The following FEM1B variants were observed in gnomAD, a reference collection of about 807,000 sequenced individuals.
FEM1B encodes the protein fem-1 homolog B, also known as protein fem-1 homolog B.
FEM1B carries 10 observed loss-of-function variants against 38.6 expected under a neutral mutation model. The ratio of observed to expected loss-of-function variants is 0.26; its 90% CI spans 0.16 to 0.44. FEM1B has a LOEUF of 0.44. FEM1B is among the 20% of genes least tolerant of loss of function. FEM1B has a pLI of 1.00. For synonymous variants in FEM1B, 288 were observed against 288.0 expected (o/e 1.00, Z 0.00); for missense variants, 471 against 786.7 (o/e 0.60, Z 4.80).
Position 68,278,370 on chromosome 15 carries a change from G to T in FEM1B, c.-48G>T, listed in dbSNP as rs1448301558. The T allele has an allele frequency of 6.3e-7, 1 of 1,577,722 alleles. No individual in the cohort carries two copies. Among genetic ancestry groups the T allele is most frequent in the Non-Finnish European group, 8.6e-7 (1 of 1,161,228 alleles). On this transcript the variant is annotated 5_prime_UTR_variant, in exon 1 of 2. Transcript: ENST00000306917. The surrounding 1 kb of genome is among the most constrained non-coding windows in gnomAD (Gnocchi z 5.7). ...CGAACGCGGCCTCCGGGGGCGCACG[G>T]CAGCTGCAGCGGTGGCGACCAAACG...
rs117810047 is a variant in FEM1B, at chr15:68,282,661, C to G, written c.248+3996C>G. ...AGATGAATACATAATAGAGAACTTG[C>G]ATTGTAATTTTGGACTGGGCCTAGA... On this transcript the variant is annotated intron_variant, in intron 1 of 1. Coordinates refer to ENST00000306917, the MANE Select transcript of FEM1B (RefSeq NM_015322.5). 5.8e-4 allele frequency among the ~76,000 whole-genome samples: 88 copies of G among 152,272 alleles called. No individual in the cohort carries two copies. The East Asian group carries it at 0.017, about 29-fold the overall frequency.
At position 68,291,508 on chromosome 15, in the gene FEM1B, G is replaced by T. The variant is rs1035566521; in HGVS notation, c.*266G>T. On this transcript the variant is annotated 3_prime_UTR_variant, in exon 2 of 2. Transcript: ENST00000306917. The surrounding 1 kb of genome is among the most constrained non-coding windows in gnomAD (Gnocchi z 6.9). ...TGTCTTTCTTTTTTTTAAAGGAACA[G>T]ATATAAAATGTTTTGTTTATGTAAC... 2.6e-6 allele frequency: 1 copy of T among 388,260 alleles called. No homozygotes were observed. The highest frequency in any genetic ancestry group is 4.6e-6 in the Non-Finnish European group (1 of 218,758). 24.1% of individuals were successfully genotyped at this position (388,260 alleles called of 1,614,324 possible).
rs992100173 is a variant in FEM1B, at chr15:68,295,219, G to A, written c.*3977G>A. On this transcript the variant is annotated 3_prime_UTR_variant, in exon 2 of 2. Coordinates refer to ENST00000306917, the MANE Select transcript of FEM1B (RefSeq NM_015322.5). The stretch of plus-strand genomic sequence containing the variant: ...TTATGGGGAGTGTATCTTGATGTGT[G>A]TATAGGGGTAAGTATTGCTAAATTA... The A allele has an allele frequency of 6.6e-6, 1 of 152,170 alleles. No individual in the cohort carries two copies. Among genetic ancestry groups the A allele is most frequent in the Non-Finnish European group, 1.5e-5 (1 of 68,022 alleles). 9.4% of individuals were successfully genotyped at this position (152,170 alleles called of 1,614,324 possible).
chr15:68,279,565 C>CA (rs1892704620), intron 1 of FEM1B, among the ~76,000 whole-genome samples: 1 of 152,064 alleles, frequency 6.6e-6, no homozygotes, highest in South Asian at 2.1e-4. Context: ...TGTGGTAGTA[C>CA]ATAAGCTATT....
At chr15:68,286,489 C>G (rs1892789148) in intron 1 of FEM1B, among the ~76,000 whole-genome samples, 1 of 152,062 alleles carries the variant, frequency 6.6e-6, no homozygotes, top group Admixed American at 6.5e-5. Flanking sequence ...CACACACACA[C>G]ACACACACAT....
At position 68,278,271 on chromosome 15, in the gene FEM1B, A is replaced by T; in HGVS notation, c.-147A>T. On this transcript the variant is annotated 5_prime_UTR_variant, in exon 1 of 2. Coordinates refer to ENST00000306917, the MANE Select transcript of FEM1B (RefSeq NM_015322.5). This position sits in a 1 kb window ranked among gnomAD's most constrained non-coding sequence, Gnocchi z 5.7. ...TGCGTCTCCGCCTTCCCTGGGCCGCACTGCTGCCTGGGCGCGGCGGCGGCG... is the reference window on the plus strand; with the variant it reads ...TGCGTCTCCGCCTTCCCTGGGCCGCTCTGCTGCCTGGGCGCGGCGGCGGCG... 9.3e-7 allele frequency: 1 copy of T among 1,080,748 alleles called. No homozygotes were observed. The highest frequency in any genetic ancestry group is 1.6e-5 in the African/African-American group (1 of 62,866). 66.9% of individuals were successfully genotyped at this position (1,080,748 alleles called of 1,614,324 possible). A position where few individuals can be genotyped will look rare whatever the true frequency, so the allele number is the denominator to read the frequency against.
chr15:68,280,499 G>A lies in FEM1B; in HGVS notation c.248+1834G>A, dbSNP rs1892714005. 6.6e-6 allele frequency among the ~76,000 whole-genome samples: 1 copy of A among 152,164 alleles called. No homozygotes were observed. The highest frequency in any genetic ancestry group is 2.1e-4 in the South Asian group (1 of 4,824). ...TCATTTGGACTACTGAGAGAAAACA[G>A]GGAAAGGAAGTGCTGTTTTATCCGG... On this transcript the variant is annotated intron_variant, in intron 1 of 1. Transcript: ENST00000306917. The surrounding 1 kb of genome is among the most constrained non-coding windows in gnomAD (Gnocchi z 4.2).
rs781511975 is a variant in FEM1B, at chr15:68,289,373, A to G, written c.249-234A>G. 4.6e-6 allele frequency: 2 copies of G among 433,636 alleles called. No individual in the cohort carries two copies. Among genetic ancestry groups the G allele is most frequent in the Non-Finnish European group, 8.2e-6 (2 of 243,900 alleles). 26.9% of individuals were successfully genotyped at this position (433,636 alleles called of 1,614,324 possible). A position where few individuals can be genotyped will look rare whatever the true frequency, so the allele number is the denominator to read the frequency against. Reference sequence around the variant, plus strand: ...TCGTGATTTTTCAGGTTTGTTTTTTAGGGTTATATACTCTAGTAGTAACAG... The same window carrying G: ...TCGTGATTTTTCAGGTTTGTTTTTTGGGGTTATATACTCTAGTAGTAACAG... On this transcript the variant is annotated intron_variant, in intron 1 of 1. Transcript: ENST00000306917. The surrounding 1 kb of genome is among the most constrained non-coding windows in gnomAD (Gnocchi z 6.9).
chr15:68,285,189 C>G (rs1567113355), intron 1 of FEM1B, among the ~76,000 whole-genome samples: 1 of 152,040 alleles, frequency 6.6e-6, no homozygotes, highest in Non-Finnish European at 1.5e-5. Flanking sequence ...CATGTACTTG[C>G]ATGTATCAGT....
intron 1 of FEM1B, among the ~76,000 whole-genome samples, chr15:68,282,826 T>C (rs1892742830): frequency 6.6e-6 from 1 of 152,236 alleles, no homozygotes; most frequent in African/African-American, 2.4e-5. Context: ...CTAGATTTTA[T>C]AGATGGAGGA....
At position 68,290,001 on chromosome 15, in the gene FEM1B, G is replaced by A. The variant is rs1430720265; in HGVS notation, c.643G>A (p.Val215Met). 1.9e-6 allele frequency: 3 copies of A among 1,614,218 alleles called. No individual in the cohort carries two copies. The highest frequency in any genetic ancestry group is 1.6e-4 in the Middle Eastern group (1 of 6,062). Residue 215 changes from valine (V) to methionine (M), a missense_variant, in exon 2 of 2, where the codon GTG becomes ATG. Physicochemically the swap from Val to Met is conservative, Grantham distance 21. Around this residue, in one of 3 missense-constraint regions of FEM1B, gnomAD observed 380 missense variants for 599.6 expected, o/e 0.63. Coordinates refer to ENST00000306917, the MANE Select transcript of FEM1B (RefSeq NM_015322.5). The surrounding 1 kb of genome is among the most constrained non-coding windows in gnomAD (Gnocchi z 9.7). ...GATAAAATGGCGTGCTGCTATAGTA[G>A]TGAATGGCCATGGGATGACGCCATT... ...ELIKWRAAIV[V>M]NGHGMTPLKV...
rs578020857 is a variant in FEM1B, at chr15:68,279,080, G to A, written c.248+415G>A. Among the ~76,000 whole-genome samples, 6 of 152,322 alleles carry A rather than the reference G, an allele frequency of 3.9e-5. No homozygotes were observed. In the South Asian group the frequency reaches 1.2e-3, roughly 32 times the overall value. The stretch of plus-strand genomic sequence containing the variant: ...GAAGAACTCCGAAAGAGTTATTTGG[G>A]CATCCATTTTTACTCCCTTCAAGTG... On this transcript the variant is annotated intron_variant, in intron 1 of 1. Coordinates refer to ENST00000306917, the MANE Select transcript of FEM1B (RefSeq NM_015322.5).
In FEM1B at chr15:68,290,209, T is replaced by A; in HGVS notation, c.851T>A (p.Phe284Tyr). The A allele has an allele frequency of 6.2e-7, 1 of 1,614,096 alleles. No individual in the cohort carries two copies. The highest frequency in any genetic ancestry group is 1.1e-5 in the South Asian group (1 of 91,086). The stretch of plus-strand genomic sequence containing the variant: ...CTATATTTAGCCATGTTAGAGAGGT[T>A]CCAAGATGGTGATAACATTCTCGAA... ...HYLYLAMLER[F>Y]QDGDNILEKE... Residue 284 changes from phenylalanine to tyrosine, a missense_variant, in exon 2 of 2, where the codon TTC becomes TAC. Coordinates refer to ENST00000306917, the MANE Select transcript of FEM1B (RefSeq NM_015322.5). This position sits in a 1 kb window ranked among gnomAD's most constrained non-coding sequence, Gnocchi z 9.7.
chr15:68,285,021 G>A (rs1567113325), intron 1 of FEM1B, among the ~76,000 whole-genome samples: 1 of 152,122 alleles, frequency 6.6e-6, no homozygotes, highest in Non-Finnish European at 1.5e-5. Flanking sequence ...GCCCAGTTTC[G>A]GGTATGCCTT....
Position 68,289,956 on chromosome 15 carries a change from A to G in FEM1B, c.598A>G (p.Ile200Val), listed in dbSNP as rs530727510. 6.2e-7 allele frequency: 1 copy of G among 1,614,216 alleles called. No individual in the cohort carries two copies. Among genetic ancestry groups the G allele is most frequent in the Admixed American group, 1.7e-5 (1 of 60,024 alleles). Reference sequence around the variant, plus strand: ...GCACTTTGCAGCTGAAGCTGGGCACATAGATATTGTGAAAGAGCTGATAAA... The same window carrying G: ...GCACTTTGCAGCTGAAGCTGGGCACGTAGATATTGTGAAAGAGCTGATAAA... ...ALHFAAEAGH[I>V]DIVKELIKWR... The change falls in exon 2 of 2, where the codon ATA becomes GTA. Residue 200 changes from isoleucine to valine, a missense_variant. This residue lies in a region of FEM1B where 380 missense variants were observed against 599.6 expected (regional missense o/e 0.63). Coordinates refer to ENST00000306917, the MANE Select transcript of FEM1B (RefSeq NM_015322.5). This position sits in a 1 kb window ranked among gnomAD's most constrained non-coding sequence, Gnocchi z 6.9.
chr15:68,288,012 T>A lies in FEM1B; in HGVS notation c.249-1595T>A, dbSNP rs1341762218. On this transcript the variant is annotated intron_variant, in intron 1 of 1. Transcript: ENST00000306917. This position sits in a 1 kb window ranked among gnomAD's most constrained non-coding sequence, Gnocchi z 4.6. ...GCCCGGCTAATTTCTGTATTTTTGG[T>A]AGAGATGGGGTTTCACCATGTTGGC... 6.6e-6 allele frequency among the ~76,000 whole-genome samples: 1 copy of A among 151,842 alleles called. No individual in the cohort carries two copies. The highest frequency in any genetic ancestry group is 2.4e-5 in the African/African-American group (1 of 41,306).
In FEM1B at chr15:68,292,386, C is replaced by T. The variant is rs1892856612; in HGVS notation, c.*1144C>T. On this transcript the variant is annotated 3_prime_UTR_variant, in exon 2 of 2. Transcript: ENST00000306917. ...AACCACAAAATGTCACTTATTCCTACAGGCTATACAGAGGTCTTTATGGTT... is the reference window on the plus strand; with the variant it reads ...AACCACAAAATGTCACTTATTCCTATAGGCTATACAGAGGTCTTTATGGTT... The T allele has an allele frequency of 6.6e-6, 1 of 152,154 alleles. No homozygotes were observed. Among genetic ancestry groups the T allele is most frequent in the Non-Finnish European group, 1.5e-5 (1 of 68,012 alleles). 9.4% of individuals were successfully genotyped at this position (152,154 alleles called of 1,614,324 possible).
chr15:68,285,904 TTC>T (rs1172376861), intron 1 of FEM1B, among the ~76,000 whole-genome samples: 1 of 151,712 alleles, frequency 6.6e-6, no homozygotes, highest in African/African-American at 2.4e-5. Flanking sequence ...AATAAATACT[TTC>T]TTTTTCTTTA....
chr15:68,282,083 AAG>A (rs1892735009), intron 1 of FEM1B, among the ~76,000 whole-genome samples: 1 of 152,160 alleles, frequency 6.6e-6, no homozygotes, highest in Admixed American at 6.5e-5. Flanking sequence ...ATGTTATAAA[AAG>A]GGAACAGAAC....
Sources: gnomAD v4.1 joint callset for allele counts (sites outside exome capture counted in the v4.1 genomes callset) on GRCh38, gnomAD v4.1.1 for gene constraint, gnomAD v4.1.1 regional missense constraint, Gnocchi (gnomAD v3.1) non-coding constraint, MANE v1.5 for transcripts, NCBI Gene and HGNC (gene_info 2026-07-23, HGNC 2026-07-21) for gene names.